The following CYP7B1 variants were observed in gnomAD, a reference collection of about 807,000 sequenced individuals.
CYP7B1 encodes the protein cytochrome P450 family 7 subfamily B member 1, also known as cytochrome P450 7B1.
A neutral mutation model predicts 42.7 loss-of-function variants in CYP7B1; 29 were observed. The observed-to-expected ratio is 0.68, with a 90% CI of 0.51 to 0.93. CYP7B1 has a LOEUF of 0.93. Ranked by LOEUF, CYP7B1 falls within the 40% of genes least tolerant of loss-of-function variation. The pLI is 0.00. For missense variants in CYP7B1, 655 were observed against 600.5 expected, an observed-to-expected ratio of 1.09 and a Z score of -0.95; for synonymous variants, 235 against 218.2, an observed-to-expected ratio of 1.08 and a Z score of -0.68.
chr8:64,648,890 A>G (rs745502124), intron 1 of CYP7B1, among the ~76,000 whole-genome samples: 25 of 152,222 alleles, frequency 1.6e-4, no homozygotes, highest in Admixed American at 1.5e-3. Flanking sequence ...CCTGAGGTCT[A>G]AAAATAAAAT....
intron 1 of CYP7B1, among the ~76,000 whole-genome samples, chr8:64,784,274 C>T (rs1488967649): frequency 6.6e-6 from 1 of 152,088 alleles, no homozygotes; most frequent in East Asian, 1.9e-4. Context: ...CAAGTAAACA[C>T]AAAAATTGAA....
intron 1 of CYP7B1, among the ~76,000 whole-genome samples, chr8:64,653,328 AC>A (rs1392024912): frequency 2.0e-5 from 3 of 152,210 alleles, no homozygotes. Context: ...GTTACCACTG[AC>A]CCCACAGAAA....
chr8:64,643,502 G>A (rs140109088), intron 1 of CYP7B1, among the ~76,000 whole-genome samples: 3 of 152,300 alleles, frequency 2.0e-5, no homozygotes, highest in Non-Finnish European at 4.4e-5. Flanking sequence ...TTGCCTCGAT[G>A]TTGATGACTG....
At chr8:64,601,531 C>A (rs1805202579) in intron 5 of CYP7B1, among the ~76,000 whole-genome samples, 1 of 152,156 alleles carries the variant, frequency 6.6e-6, no homozygotes, top group Admixed American at 6.5e-5. Context: ...GAAAAGAAAT[C>A]ATCACTATTT....
In CYP7B1 at chr8:64,716,845, T is replaced by C. The variant is rs189766547; in HGVS notation, c.122+81621A>G. ...TCAGTTAGACTAAGGTGGTTGATAG[T>C]ATGGTCCAAATCAACATGCTTACTA... is the stretch of plus-strand genomic sequence containing the variant. On this transcript the variant is annotated intron_variant, in intron 1 of 5. Transcript: ENST00000310193. Among the ~76,000 whole-genome samples the C allele has an allele frequency of 1.5e-4, 23 of 152,344 alleles. No individual in the cohort carries two copies. The East Asian group carries it at 4.2e-3, about 28-fold the overall frequency.
At chr8:64,722,336 T>C (rs1053255542) in intron 1 of CYP7B1, among the ~76,000 whole-genome samples, 1 of 152,136 alleles carries the variant, frequency 6.6e-6, no homozygotes, top group Non-Finnish European at 1.5e-5. Context: ...CAAGACAAAC[T>C]CAGTGTTGAA....
intron 1 of CYP7B1, among the ~76,000 whole-genome samples, chr8:64,664,661 C>T (rs1806248819): frequency 6.6e-6 from 1 of 152,176 alleles, no homozygotes; most frequent in East Asian, 1.9e-4. Context: ...GATGTCCTTT[C>T]ACCCAAGTCT....
chr8:64,610,391 T>A (rs1805346390), intron 4 of CYP7B1, among the ~76,000 whole-genome samples: 1 of 152,188 alleles, frequency 6.6e-6, no homozygotes, highest in Non-Finnish European at 1.5e-5. Context: ...AAGTTATGTC[T>A]TCTGTAAATC....
At chr8:64,660,753 T>TA (rs1806188313) in intron 1 of CYP7B1, among the ~76,000 whole-genome samples, 1 of 152,146 alleles carries the variant, frequency 6.6e-6, no homozygotes, top group Non-Finnish European at 1.5e-5. Context: ...GAGGGGAACA[T>TA]ATGAGGCATG....
chr8:64,777,296 G>A (rs1804343467), intron 1 of CYP7B1, among the ~76,000 whole-genome samples: 1 of 151,864 alleles, frequency 6.6e-6, no homozygotes, highest in Non-Finnish European at 1.5e-5. Flanking sequence ...TATTTACAGA[G>A]CTGCTACCCA....
intron 1 of CYP7B1, among the ~76,000 whole-genome samples, chr8:64,652,066 A>C (rs1375629498): frequency 1.3e-5 from 2 of 152,242 alleles, no homozygotes; most frequent in Non-Finnish European, 2.9e-5. Flanking sequence ...TAACAGGTGA[A>C]CATTTTGAGA....
intron 3 of CYP7B1, among the ~76,000 whole-genome samples, 166 bp downstream of exon 3, chr8:64,615,525 A>C (rs2129630183): frequency 6.6e-6 from 1 of 151,982 alleles, no homozygotes; most frequent in African/African-American, 2.4e-5. Flanking sequence ...TCAGCAAAAA[A>C]AAAAAAAATA....
intron 1 of CYP7B1, among the ~76,000 whole-genome samples, chr8:64,635,134 T>A (rs117220049): frequency 6.6e-6 from 1 of 152,340 alleles, no homozygotes; most frequent in East Asian, 1.9e-4. Flanking sequence ...AGGTCAATTT[T>A]CCCCTTGTTG....
At chr8:64,752,560 T>C (rs891863607) in intron 1 of CYP7B1, among the ~76,000 whole-genome samples, 6 of 152,114 alleles carry the variant, frequency 3.9e-5, no homozygotes, top group South Asian at 2.1e-4. Context: ...TGGGATATTA[T>C]GTAGAGCTGA....
chr8:64,794,632 C>T (rs540195361), intron 1 of CYP7B1, among the ~76,000 whole-genome samples: 1 of 152,258 alleles, frequency 6.6e-6, no homozygotes, highest in Non-Finnish European at 1.5e-5. Flanking sequence ...TCTATGAAGG[C>T]ATTGCCCTAA....
intron 1 of CYP7B1, among the ~76,000 whole-genome samples, chr8:64,647,795 A>G (rs573499562): frequency 3.9e-5 from 6 of 152,242 alleles, no homozygotes; most frequent in Non-Finnish European, 8.8e-5. Context: ...AGTCTACTCT[A>G]CTGAGTCCAC....
intron 1 of CYP7B1, among the ~76,000 whole-genome samples, chr8:64,775,483 G>A (rs1482232424): frequency 6.6e-6 from 1 of 152,074 alleles, no homozygotes; most frequent in East Asian, 1.9e-4. Context: ...TTTTATTTAA[G>A]GATAGTTCTT....
chr8:64,741,328 T>C (rs1457187999), intron 1 of CYP7B1, among the ~76,000 whole-genome samples: 1 of 148,170 alleles, frequency 6.7e-6, no homozygotes, highest in Non-Finnish European at 1.5e-5. Context: ...GATTTGAACA[T>C]TTTTTTTTTT....
chr8:64,744,762 C>A (rs1807618790), intron 1 of CYP7B1, among the ~76,000 whole-genome samples: 1 of 152,140 alleles, frequency 6.6e-6, no homozygotes, highest in Non-Finnish European at 1.5e-5. Flanking sequence ...TGATCCACAA[C>A]CAAATATCTC....
Sources: gnomAD v4.1 joint callset for allele counts (sites outside exome capture counted in the v4.1 genomes callset) on GRCh38, gnomAD v4.1.1 for gene constraint, MANE v1.5 for transcripts, NCBI Gene and HGNC (gene_info 2026-07-23, HGNC 2026-07-21) for gene names.